SLC5A11: variants seen among roughly 807,000 people sequenced by gnomAD.
The protein encoded by SLC5A11 is sodium/myo-inositol cotransporter 2.
Under a neutral mutation model 69.8 loss-of-function variants are expected in SLC5A11, and 48 were observed. That is an observed-to-expected ratio of 0.69 (90% CI 0.55 to 0.87). The LOEUF (loss-of-function observed/expected upper bound fraction) is 0.87, where lower values mean the gene tolerates loss of function less well. SLC5A11 is among the 40% of genes least tolerant of loss of function. The probability of loss-of-function intolerance (pLI) is 0.00; values close to 1 mark genes in which losing one functional copy is unlikely to be tolerated. For missense variants in SLC5A11, 784 were observed against 866.1 expected, an observed-to-expected ratio of 0.91 and a Z score of 1.19; for synonymous variants, 319 against 342.4, an observed-to-expected ratio of 0.93 and a Z score of 0.75.
At chr16:24,878,010 G>A (rs1042543332) in intron 7 of SLC5A11, among the ~76,000 whole-genome samples, 3 of 151,234 alleles carry the variant, frequency 2.0e-5, no homozygotes, top group East Asian at 3.9e-4. Flanking sequence ...AAAATTAGCC[G>A]GGCATGCTGG....
At chr16:24,889,672 T>C (rs141184076) in intron 8 of SLC5A11, among the ~76,000 whole-genome samples, 1,869 of 146,434 alleles carry the variant, frequency 0.013, 45 homozygotes, top group African/African-American at 0.044. Flanking sequence ...CTCAACCTCC[T>C]GAGCAGCTGG....
intron 3 of SLC5A11, among the ~76,000 whole-genome samples, chr16:24,867,825 C>T (rs935940366): frequency 8.6e-5 from 13 of 151,950 alleles, no homozygotes; most frequent in African/African-American, 3.1e-4. Context: ...AAATAGAAAA[C>T]CTGAATTATA....
chr16:24,865,653 C>T (rs2046873894), intron 3 of SLC5A11, among the ~76,000 whole-genome samples: 1 of 152,040 alleles, frequency 6.6e-6, no homozygotes, highest in Non-Finnish European at 1.5e-5. Context: ...CCAATCAAAA[C>T]TAATGTTGAG....
intron 4 of SLC5A11, among the ~76,000 whole-genome samples, chr16:24,871,526 G>T (rs575448235): frequency 6.6e-6 from 1 of 152,218 alleles, no homozygotes; most frequent in Admixed American, 6.5e-5. Flanking sequence ...ACTGGCTTCT[G>T]CCTGCCAAAG....
intron 2 of SLC5A11, among the ~76,000 whole-genome samples, chr16:24,860,316 C>T (rs901470843): frequency 7.9e-5 from 12 of 151,894 alleles, no homozygotes; most frequent in African/African-American, 2.7e-4. Context: ...ATTAGCCAGA[C>T]GTGGTGGTGG....
intron 10 of SLC5A11, among the ~76,000 whole-genome samples, chr16:24,902,034 C>G (rs1164567870): frequency 6.6e-6 from 1 of 151,718 alleles, no homozygotes; most frequent in Non-Finnish European, 1.5e-5. Flanking sequence ...ATCACTTGAG[C>G]CTGGGAGGTC....
chr16:24,892,357 A>G (rs1012668548), intron 9 of SLC5A11, among the ~76,000 whole-genome samples: 7 of 152,018 alleles, frequency 4.6e-5, no homozygotes, highest in Admixed American at 2.0e-4. Context: ...AGGAACACCC[A>G]GAGCGAGGCA....
exon 12 of SLC5A11, chr16:24,907,136 G>C (rs371000727): frequency 1.2e-6 from 2 of 1,613,946 alleles, no homozygotes. Context: ...AATCACCTCC[G>C]GCCTCGGGCA....
intron 3 of SLC5A11, among the ~76,000 whole-genome samples, chr16:24,863,144 T>G (rs2046709009): frequency 6.7e-6 from 1 of 148,510 alleles, no homozygotes; most frequent in African/African-American, 2.5e-5. Flanking sequence ...AATCACAACC[T>G]TAAATAGAAA....
intron 10 of SLC5A11, among the ~76,000 whole-genome samples, chr16:24,903,995 G>T (rs1432532133): frequency 1.3e-5 from 2 of 152,226 alleles, no homozygotes; most frequent in Admixed American, 1.3e-4. Flanking sequence ...TACAGTCATG[G>T]TGGAAGGCGA....
In SLC5A11 at chr16:24,909,115, C is replaced by G; in HGVS notation, c.1650+19C>G. 1 of 1,610,740 alleles carries G rather than the reference C, an allele frequency of 6.2e-7. No individual in the cohort carries two copies. Among genetic ancestry groups the G allele is most frequent in the Non-Finnish European group, 8.5e-7 (1 of 1,177,120 alleles). Reference sequence around the variant, plus strand: ...GGAGATGGTACATTTGGGCTGATGGCTAGATCCGTTGAGACTTTTTGTTGG... The same window carrying G: ...GGAGATGGTACATTTGGGCTGATGGGTAGATCCGTTGAGACTTTTTGTTGG... On this transcript the variant is annotated intron_variant, in intron 14 of 15. Transcript: ENST00000347898.
chr16:24,888,513 C>T (rs2048543265), intron 8 of SLC5A11, among the ~76,000 whole-genome samples: 2 of 107,246 alleles, frequency 1.9e-5, no homozygotes, highest in African/African-American at 3.7e-5. Context: ...GAGATGGACT[C>T]TTGCTCTGTC....
intron 9 of SLC5A11, among the ~76,000 whole-genome samples, chr16:24,893,116 CAAAAAAAAAAAAA>C (rs58331547): frequency 1.7e-3 from 168 of 99,078 alleles, no homozygotes; most frequent in African/African-American, 5.9e-3. Flanking sequence ...ACTAAAAATA[CAAAAAAAAAAAAA>C]AAAAAAAAAA....
In SLC5A11 at chr16:24,867,523, G is replaced by A. The variant is rs1474477017; in HGVS notation, c.208-2378G>A. Among the ~76,000 whole-genome samples, 5 of 151,938 alleles carry A rather than the reference G, an allele frequency of 3.3e-5. 1 individual carries two copies. Among genetic ancestry groups the A allele is most frequent in the Non-Finnish European group, 7.4e-5 (5 of 67,996 alleles). On this transcript the variant is annotated intron_variant, in intron 3 of 15. Coordinates refer to ENST00000347898, the Ensembl canonical transcript of SLC5A11. The stretch of plus-strand genomic sequence containing the variant: ...AGAAGAAAATAACAAAGATTAGAGT[G>A]GAGGTAAACAAAATGTAGAATAGAA...
At chr16:24,866,101 C>A (rs2046900229) in intron 3 of SLC5A11, among the ~76,000 whole-genome samples, 1 of 146,820 alleles carries the variant, frequency 6.8e-6, no homozygotes, top group Non-Finnish European at 1.5e-5. Context: ...TAATATCTAG[C>A]ACAAAAGGCA....
intron 3 of SLC5A11, among the ~76,000 whole-genome samples, chr16:24,866,112 A>G (rs752993039): frequency 1.3e-5 from 2 of 149,716 alleles, no homozygotes; most frequent in Non-Finnish European, 3.0e-5. Flanking sequence ...ACAAAAGGCA[A>G]TGGAGGAATA....
At chr16:24,886,347 G>A (rs1163840583) in intron 8 of SLC5A11, among the ~76,000 whole-genome samples, 2 of 151,784 alleles carry the variant, frequency 1.3e-5, no homozygotes, top group African/African-American at 4.8e-5. Flanking sequence ...ACAAACAGGA[G>A]TTCTAATAAA....
At chr16:24,872,282 A>T in intron 5 of SLC5A11, 63 bp downstream of exon 6, 2 of 1,575,826 alleles carry the variant, frequency 1.3e-6, no homozygotes, top group Non-Finnish European at 1.7e-6. Flanking sequence ...TCAGCCCTGC[A>T]GTCCCTCCCT....
intron 1 of SLC5A11, among the ~76,000 whole-genome samples, chr16:24,850,719 G>A (rs1054750205): frequency 6.6e-6 from 1 of 152,106 alleles, no homozygotes; most frequent in Non-Finnish European, 1.5e-5. Flanking sequence ...CTGTACAATG[G>A]AGTTAATCAG....
Sources: allele counts gnomAD v4.1 joint callset (sites outside exome capture counted in the v4.1 genomes callset), GRCh38; gene constraint gnomAD v4.1.1; transcripts MANE v1.5; gene names NCBI Gene and HGNC (gene_info 2026-07-23, HGNC 2026-07-21).